The following LCORL variants were observed in gnomAD, a reference collection of about 807,000 sequenced individuals.
LCORL encodes the protein ligand-dependent nuclear receptor corepressor-like protein.
Under a neutral mutation model 141.8 loss-of-function variants are expected in LCORL, and 41 were observed. The ratio of observed to expected loss-of-function variants is 0.29; its 90% CI spans 0.23 to 0.38. The LOEUF (loss-of-function observed/expected upper bound fraction) is 0.38. Among genes scored for constraint, LCORL ranks in the 10% least tolerant of loss-of-function variants. LCORL has a pLI of 1.00. For synonymous variants in LCORL, 618 were observed against 694.1 expected (o/e 0.89, Z 1.72); for missense variants, 1,759 against 2,035.0 (o/e 0.86, Z 2.61).
At chr4:17,963,834 A>C (rs1714338851) in intron 2 of LCORL, among the ~76,000 whole-genome samples, 1 of 152,018 alleles carries the variant, frequency 6.6e-6, no homozygotes, top group South Asian at 2.1e-4. Context: ...TCTATTCCCA[A>C]ATAAATTCAT....
chr4:18,021,797 G>T lies in LCORL; in HGVS notation c.-46C>A. The T allele has an allele frequency of 6.9e-7, 1 of 1,439,718 alleles. No homozygotes were observed. Among genetic ancestry groups the T allele is most frequent in the Non-Finnish European group, 9.0e-7 (1 of 1,105,368 alleles). 89.2% of individuals were successfully genotyped at this position (1,439,718 alleles called of 1,614,324 possible). A position where few individuals can be genotyped will look rare whatever the true frequency, so the allele number is the denominator to read the frequency against. On this transcript the variant is annotated 5_prime_UTR_variant, in exon 1 of 8. Transcript: ENST00000635767. This position sits in a 1 kb window ranked among gnomAD's most constrained non-coding sequence, Gnocchi z 5.5. The stretch of plus-strand genomic sequence containing the variant: ...CCTCATTTACATACGAGCAGCGCAG[G>T]CACGAGGCAGGGGCGCGAGCCCTCG...
chr4:17,905,968 T>G (rs1035056828), intron 5 of LCORL, among the ~76,000 whole-genome samples: 3 of 152,186 alleles, frequency 2.0e-5, no homozygotes, highest in Non-Finnish European at 4.4e-5. Context: ...ATGTGAAATA[T>G]GGGTTTATAC....
At chr4:17,934,963 GTAAC>G (rs1178320717) in intron 4 of LCORL, among the ~76,000 whole-genome samples, 2 of 152,080 alleles carry the variant, frequency 1.3e-5, no homozygotes, top group African/African-American at 4.8e-5. Flanking sequence ...TACCCACTAT[GTAAC>G]TAACTGCCCA....
intron 7 of LCORL, among the ~76,000 whole-genome samples, chr4:17,857,810 G>A (rs922115740): frequency 3.9e-5 from 6 of 152,192 alleles, no homozygotes; most frequent in African/African-American, 1.4e-4. Context: ...GAGATTAAAG[G>A]GTGTTCTGGC....
chr4:17,956,843 C>T (rs1360414560), intron 4 of LCORL, among the ~76,000 whole-genome samples: 2 of 151,988 alleles, frequency 1.3e-5, no homozygotes, highest in Non-Finnish European at 2.9e-5. Flanking sequence ...ATTCTAAATA[C>T]CCCAATTTGT....
intron 1 of LCORL, among the ~76,000 whole-genome samples, chr4:18,006,135 C>T (rs1239260727): frequency 6.6e-6 from 1 of 152,166 alleles, no homozygotes; most frequent in Non-Finnish European, 1.5e-5. Flanking sequence ...GCCAGATACC[C>T]TAAATCATCT....
In LCORL at chr4:18,004,636, T is replaced by C. The variant is rs757773854; in HGVS notation, c.154+16962A>G. On this transcript the variant is annotated intron_variant, in intron 1 of 7. Transcript: ENST00000635767. The stretch of plus-strand genomic sequence containing the variant: ...ACAGCCAAACCATATCATTCCACCC[T>C]GGCCCCTCCCAAATCTCATGTTCTC... 2.6e-5 allele frequency among the ~76,000 whole-genome samples: 4 copies of C among 152,264 alleles called. No individual in the cohort carries two copies. The South Asian group carries it at 8.3e-4, about 32-fold the overall frequency.
At chr4:17,933,056 T>C (rs968297253) in intron 4 of LCORL, among the ~76,000 whole-genome samples, 3 of 152,174 alleles carry the variant, frequency 2.0e-5, no homozygotes, top group Admixed American at 1.3e-4. Context: ...TTTACCTGAT[T>C]TTTATCTTTG....
chr4:17,870,032 T>C (rs1462223156), intron 7 of LCORL, among the ~76,000 whole-genome samples: 3 of 152,208 alleles, frequency 2.0e-5, no homozygotes, highest in East Asian at 1.9e-4. Flanking sequence ...CCTCACAATA[T>C]GGGCTATGCT....
intron 6 of LCORL, chr4:17,883,738 GT>G: frequency 6.5e-7 from 1 of 1,540,996 alleles, no homozygotes; most frequent in Non-Finnish European, 8.8e-7. Context: ...GCTTGCTGCT[GT>G]TTTTGCAGCT....
intron 1 of LCORL, among the ~76,000 whole-genome samples, chr4:17,974,184 C>T (rs1038029713): frequency 3.9e-5 from 6 of 152,066 alleles, no homozygotes; most frequent in Non-Finnish European, 7.4e-5. Context: ...TATTACTGCA[C>T]TTGTGAGCAT....
intron 4 of LCORL, among the ~76,000 whole-genome samples, chr4:17,942,374 G>T (rs959586674): frequency 3.9e-5 from 6 of 151,988 alleles, no homozygotes; most frequent in African/African-American, 1.4e-4. Flanking sequence ...TGAGGAATTA[G>T]GCTTAATAAT....
chr4:17,945,668 T>C (rs1337699989), intron 4 of LCORL, among the ~76,000 whole-genome samples: 1 of 151,986 alleles, frequency 6.6e-6, no homozygotes, highest in Non-Finnish European at 1.5e-5. Flanking sequence ...CTTAAGTTTG[T>C]AGGCAGACTA....
exon 8 of LCORL, chr4:17,842,790 C>CTGTT (rs138435077): frequency 0.04 from 6,663 of 168,468 alleles, 429 homozygotes; most frequent in African/African-American, 0.15. Flanking sequence ...AGTCAAGCCA[C>CTGTT]TGTTAGAGCT....
At chr4:17,999,742 T>C (rs1418746554) in intron 1 of LCORL, among the ~76,000 whole-genome samples, 2 of 152,128 alleles carry the variant, frequency 1.3e-5, no homozygotes, top group Non-Finnish European at 2.9e-5. Flanking sequence ...AGGACACTAG[T>C]AGGTGGGAAG....
intron 4 of LCORL, among the ~76,000 whole-genome samples, chr4:17,939,143 G>C (rs1431073070): frequency 6.6e-6 from 1 of 152,082 alleles, no homozygotes; most frequent in South Asian, 2.1e-4. Flanking sequence ...CTTTAAAAAG[G>C]AAGATACATG....
intron 2 of LCORL, among the ~76,000 whole-genome samples, chr4:17,963,427 A>G (rs1008790350): frequency 5.3e-5 from 8 of 151,984 alleles, no homozygotes; most frequent in African/African-American, 1.9e-4. Context: ...AACTTTGCAC[A>G]CCATGAAAGA....
chr4:17,961,887 A>G lies in LCORL; in HGVS notation c.430+16T>C. On this transcript the variant is annotated intron_variant, in intron 4 of 7. Coordinates refer to ENST00000635767, the Ensembl canonical transcript of LCORL. ...CTCTATTGCAAATTTTAAATGACAA[A>G]GCATACCAATATTACCTTTCTTTCG... 2 of 1,594,018 alleles carry G rather than the reference A, an allele frequency of 1.3e-6. No homozygotes were observed. Among genetic ancestry groups the G allele is most frequent in the South Asian group, 1.2e-5 (1 of 86,216 alleles).
At chr4:17,920,358 T>C (rs1734091531) in intron 4 of LCORL, among the ~76,000 whole-genome samples, 1 of 152,180 alleles carries the variant, frequency 6.6e-6, no homozygotes, top group Non-Finnish European at 1.5e-5. Context: ...CCTGACCAAA[T>C]ACCTTAATTT....
Sources: gnomAD v4.1 joint callset for allele counts (sites outside exome capture counted in the v4.1 genomes callset) on GRCh38, gnomAD v4.1.1 for gene constraint, Gnocchi (gnomAD v3.1) non-coding constraint, MANE v1.5 for transcripts, NCBI Gene and HGNC (gene_info 2026-07-23, HGNC 2026-07-21) for gene names.